Variants in DSCAML1 observed in about 807,000 individuals in gnomAD.
The protein encoded by DSCAML1 is cell adhesion molecule DSCAML1.
DSCAML1 carries 38 observed loss-of-function variants against 200.5 expected under a neutral mutation model. The observed-to-expected ratio is 0.19, with a 90% confidence interval of 0.15 to 0.25. The LOEUF is 0.25. Ranked by LOEUF, DSCAML1 falls within the 10% of genes least tolerant of loss-of-function variation. DSCAML1 has a pLI of 1.00. For synonymous variants in DSCAML1, 1,215 were observed against 1,165.0 expected, an observed-to-expected ratio of 1.04 and a Z score of -0.87; for missense variants, 2,223 against 2,858.8, an observed-to-expected ratio of 0.78 and a Z score of 5.07.
chr11:117,583,328 T>TTTAAG (rs2051078635), intron 3 of DSCAML1, among the ~76,000 whole-genome samples: 1 of 152,166 alleles, frequency 6.6e-6, no homozygotes, highest in South Asian at 2.1e-4. Context: ...ACATGGCTTG[T>TTTAAG]ACCCCTCTGC....
rs1019400873 is a variant in DSCAML1 at position 117,658,737 on chromosome 11, G to A, written c.511+118054C>T. Among the ~76,000 whole-genome samples, 4 of 152,148 alleles carry A rather than the reference G, an allele frequency of 2.6e-5. No individual in the cohort carries two copies. The East Asian group carries it at 5.8e-4, about 22-fold the overall frequency. On this transcript the variant is annotated intron_variant, in intron 3 of 32. Transcript: ENST00000651296. ...AATTAGGATAAGCACATTTTTGAGT[G>A]GCGAAGATTCTCCTTAGGTAAAAAC...
intron 3 of DSCAML1, among the ~76,000 whole-genome samples, chr11:117,696,722 T>C (rs555356538): frequency 1.3e-5 from 2 of 152,272 alleles, no homozygotes; most frequent in South Asian, 4.1e-4. Context: ...CCCAAGCGTC[T>C]ATTTAATTGC....
chr11:117,487,600 C>G (rs1157708677), intron 11 of DSCAML1, among the ~76,000 whole-genome samples: 1 of 152,178 alleles, frequency 6.6e-6, no homozygotes, highest in Non-Finnish European at 1.5e-5. Context: ...TCTCAGCTCT[C>G]TAGGACTCAT....
At chr11:117,494,210 T>C (rs1305670418) in intron 11 of DSCAML1, among the ~76,000 whole-genome samples, 1 of 152,208 alleles carries the variant, frequency 6.6e-6, no homozygotes, top group Non-Finnish European at 1.5e-5. Context: ...TTGCTGTGAA[T>C]ACCCTAGAGC....
intron 3 of DSCAML1, among the ~76,000 whole-genome samples, chr11:117,646,982 A>C (rs1043000483): frequency 6.6e-6 from 1 of 152,184 alleles, no homozygotes; most frequent in African/African-American, 2.4e-5. Context: ...ACTACTTAGC[A>C]TTTCTGTGGC....
At chr11:117,588,164 T>C (rs866816946) in intron 3 of DSCAML1, among the ~76,000 whole-genome samples, 1 of 152,102 alleles carries the variant, frequency 6.6e-6, no homozygotes, top group African/African-American at 2.4e-5. Context: ...TGAGGTCATA[T>C]AGCTAATAGA....
intron 3 of DSCAML1, among the ~76,000 whole-genome samples, chr11:117,664,798 A>G (rs1353607609): frequency 6.6e-6 from 1 of 152,182 alleles, no homozygotes; most frequent in Admixed American, 6.5e-5. Flanking sequence ...CTTTAAAAGA[A>G]TACACCCACA....
At chr11:117,689,916 A>G (rs557541025) in intron 3 of DSCAML1, among the ~76,000 whole-genome samples, 53 of 152,328 alleles carry the variant, frequency 3.5e-4, no homozygotes, top group African/African-American at 1.2e-3. Flanking sequence ...CTGCAGAGAG[A>G]AATAATGAAT....
At chr11:117,529,102 ACT>A (rs1198814739) in intron 4 of DSCAML1, among the ~76,000 whole-genome samples, 1 of 151,496 alleles carries the variant, frequency 6.6e-6, no homozygotes, top group Non-Finnish European at 1.5e-5. Flanking sequence ...ACAGAGTCTC[ACT>A]CTGTCACCCA....
At chr11:117,718,711 T>C (rs926322129) in intron 3 of DSCAML1, among the ~76,000 whole-genome samples, 61 of 117,242 alleles carry the variant, frequency 5.2e-4, no homozygotes, top group African/African-American at 1.9e-3. Context: ...AAAAATCCTC[T>C]CTGGCTAGTG....
intron 3 of DSCAML1, among the ~76,000 whole-genome samples, chr11:117,656,539 CTAT>C (rs1426923850): frequency 1.4e-4 from 21 of 151,432 alleles, no homozygotes; most frequent in African/African-American, 4.4e-4. Flanking sequence ...ATCTATCTAT[CTAT>C]CTATCCATCC....
intron 14 of DSCAML1, among the ~76,000 whole-genome samples, chr11:117,478,803 C>A (rs1592641198): frequency 6.6e-6 from 1 of 152,224 alleles, no homozygotes; most frequent in Admixed American, 6.5e-5. Flanking sequence ...CCTTTCAGTA[C>A]CCAAGACCCA....
At chr11:117,804,474 G>A (rs1440927625) in intron 1 of DSCAML1, among the ~76,000 whole-genome samples, 1 of 152,198 alleles carries the variant, frequency 6.6e-6, no homozygotes, top group Non-Finnish European at 1.5e-5. Flanking sequence ...GAGTTCAAAA[G>A]ATGTGCCCAA....
At chr11:117,564,753 C>CTT (rs1565792125) in intron 3 of DSCAML1, among the ~76,000 whole-genome samples, 6 of 148,202 alleles carry the variant, frequency 4.0e-5, no homozygotes, top group African/African-American at 1.5e-4. Context: ...TCTTCTCTCT[C>CTT]TCTCTTTCTT....
intron 2 of DSCAML1, among the ~76,000 whole-genome samples, chr11:117,778,851 TGA>T (rs1194086262): frequency 6.6e-6 from 1 of 152,230 alleles, no homozygotes; most frequent in Non-Finnish European, 1.5e-5. Context: ...CATTAGGGGT[TGA>T]GCCGTGCAAA....
chr11:117,513,369 G>A (rs746412432), intron 8 of DSCAML1, among the ~76,000 whole-genome samples: 1 of 152,194 alleles, frequency 6.6e-6, no homozygotes, highest in Non-Finnish European at 1.5e-5. Flanking sequence ...GTGTTTGGCT[G>A]TGAGGGTCTC....
chr11:117,796,172 C>T (rs2055569505), intron 1 of DSCAML1, among the ~76,000 whole-genome samples: 1 of 152,242 alleles, frequency 6.6e-6, no homozygotes, highest in African/African-American at 2.4e-5. Context: ...CCGGCTGCCT[C>T]GCGGATCAGG....
intron 3 of DSCAML1, among the ~76,000 whole-genome samples, chr11:117,614,830 G>C (rs986978018): frequency 1.3e-5 from 2 of 152,210 alleles, no homozygotes; most frequent in Non-Finnish European, 2.9e-5. Flanking sequence ...TGAATGGAGG[G>C]AGGAGAAGTA....
At chr11:117,806,820 G>A (rs895510293) in intron 1 of DSCAML1, among the ~76,000 whole-genome samples, 1 of 152,226 alleles carries the variant, frequency 6.6e-6, no homozygotes, top group Non-Finnish European at 1.5e-5. Context: ...ATATACAAAA[G>A]TGGGGAGAAC....
Sources: gnomAD v4.1 joint callset for allele counts (sites outside exome capture counted in the v4.1 genomes callset) on GRCh38, gnomAD v4.1.1 for gene constraint, MANE v1.5 for transcripts, NCBI Gene and HGNC (gene_info 2026-07-23, HGNC 2026-07-21) for gene names.